PURB: variants seen among roughly 807,000 people sequenced by gnomAD.
The protein encoded by PURB is transcriptional regulator protein Pur-beta.
In PURB, 11 loss-of-function variants were observed where a neutral mutation model predicts 21.1. That is an observed-to-expected ratio of 0.52 (90% CI 0.33 to 0.86). PURB has a LOEUF of 0.86. PURB is among the 40% of genes least tolerant of loss of function. The pLI is 0.02. For missense variants in PURB, 357 were observed against 456.5 expected (o/e 0.78, Z 1.99); for synonymous variants, 246 against 210.8 (o/e 1.17, Z -1.45).
rs958762501 is a variant in PURB, at chr7:44,883,023, T to A, written c.*1387A>T. 2 of 152,526 alleles carry A rather than the reference T, an allele frequency of 1.3e-5. No individual in the cohort carries two copies. The highest frequency in any genetic ancestry group is 2.9e-5 in the Non-Finnish European group (2 of 68,046). The allele number at this position is 152,526 out of a possible 1,614,324, so 9.4% of individuals were successfully genotyped here. On this transcript the variant is annotated 3_prime_UTR_variant, in exon 1 of 1. Coordinates refer to ENST00000395699, the MANE Select transcript of PURB (RefSeq NM_033224.5). ...TTGAAATTTCAAGATGGTATAAAAA[T>A]GCTTCCAGGATATAGTCAGCATATT...
Position 44,885,292 on chromosome 7 carries a change from G to C in PURB, c.57C>G (p.Phe19Leu), listed in dbSNP as rs1335735429. 6.6e-7 allele frequency: 1 copy of C among 1,517,274 alleles called. No homozygotes were observed. The highest frequency in any genetic ancestry group is 8.7e-7 in the Non-Finnish European group (1 of 1,143,876). The allele number at this position is 1,517,274 out of a possible 1,614,324, so 94.0% of individuals were successfully genotyped here. ...ERGGGGGPCG[F>L]QPASRGGGEQ... ...CGCCGCCGCCGCGGGACGCGGGCTG[G>C]AACCCGCACGGCCCACCGCCGCCGC... The change falls in exon 1 of 1, where the codon TTC becomes TTG. Residue 19 changes from phenylalanine (F) to leucine (L), a missense_variant. Coordinates refer to ENST00000395699, the MANE Select transcript of PURB (RefSeq NM_033224.5).
chr7:44,879,615 C>T lies in PURB; in HGVS notation c.*4795G>A, dbSNP rs898945077. 3 of 152,610 alleles carry T rather than the reference C, an allele frequency of 2.0e-5. No homozygotes were observed. The highest frequency in any genetic ancestry group is 7.2e-5 in the African/African-American group (3 of 41,518). The allele number at this position is 152,610 out of a possible 1,614,324, so 9.5% of individuals were successfully genotyped here. On this transcript the variant is annotated 3_prime_UTR_variant, in exon 1 of 1. Transcript: ENST00000395699. ...GTAGTTGACAGGAAAGAAAAAGTTA[C>T]CTTAAGGCTCAAGGGAAAGTAACTT...
rs1359431411 is a variant in PURB, at chr7:44,877,812, A to C, written c.*6598T>G. The C allele has an allele frequency of 6.6e-6, 1 of 152,160 alleles. No homozygotes were observed. The highest frequency in any genetic ancestry group is 1.5e-5 in the Non-Finnish European group (1 of 68,078). 9.4% of individuals were successfully genotyped at this position (152,160 alleles called of 1,614,324 possible). On this transcript the variant is annotated 3_prime_UTR_variant, in exon 1 of 1. Transcript: ENST00000395699. ...GATAAGAGCGAAACTCCGTCTCAAAAAAAAAAAAAGAATCCAGAGAGCTTT... is the reference window on the plus strand; with the variant it reads ...GATAAGAGCGAAACTCCGTCTCAAACAAAAAAAAAGAATCCAGAGAGCTTT...
Position 44,884,273 on chromosome 7 carries a change from T to C in PURB, c.*137A>G, listed in dbSNP as rs530849021. ...TTCTCTTACGATTATTTCTCTTAAC[T>C]GTGTTACGTTTTGTTTTTTCCCTCT... On this transcript the variant is annotated 3_prime_UTR_variant, in exon 1 of 1. Coordinates refer to ENST00000395699, the MANE Select transcript of PURB (RefSeq NM_033224.5). The C allele has an allele frequency of 5.5e-6, 8 of 1,458,236 alleles. No homozygotes were observed. The East Asian group carries it at 1.9e-4, about 35-fold the overall frequency. The allele number at this position is 1,458,236 out of a possible 1,614,324, so 90.3% of individuals were successfully genotyped here.
Position 44,885,122 on chromosome 7 carries a change from G to A in PURB, c.227C>T (p.Ser76Phe). 1 of 1,576,226 alleles carries A rather than the reference G, an allele frequency of 6.3e-7. No homozygotes were observed. Reference sequence around the variant, plus strand: ...GCGGAACTCGGCGGCCACCGCCATGGACAGCGTGAGGCGGCTCTTGGAACC... The same window carrying A: ...GCGGAACTCGGCGGCCACCGCCATGAACAGCGTGAGGCGGCTCTTGGAACC... ...AGGSKSRLTLSMAVAAEFRDS... is the reference protein window; with the variant it reads ...AGGSKSRLTLFMAVAAEFRDS... Residue 76 changes from serine to phenylalanine, a missense_variant, in exon 1 of 1, where the codon TCC (serine) becomes TTC (phenylalanine). By Grantham distance (155) the Ser-to-Phe change is radical. Coordinates refer to ENST00000395699, the MANE Select transcript of PURB (RefSeq NM_033224.5).
chr7:44,885,103 C>A lies in PURB; in HGVS notation c.246G>T (p.Glu82Asp). 1.3e-6 allele frequency: 2 copies of A among 1,575,232 alleles called. No individual in the cohort carries two copies. Among genetic ancestry groups the A allele is most frequent in the Non-Finnish European group, 1.7e-6 (2 of 1,165,730 alleles). The change falls in exon 1 of 1, where the codon GAG becomes GAT. Residue 82 changes from glutamate (E) to aspartate (D), a missense_variant. Physicochemically the swap from Glu to Asp is conservative, Grantham distance 45. Transcript: ENST00000395699. ...RLTLSMAVAA[E>D]FRDSLGDFIE... ...TGAAGTCGCCCAGCGAGTCGCGGAACTCGGCGGCCACCGCCATGGACAGCG... is the reference window on the plus strand; with the variant it reads ...TGAAGTCGCCCAGCGAGTCGCGGAAATCGGCGGCCACCGCCATGGACAGCG...
rs1230917696 is a variant in PURB, at chr7:44,876,629, AG to A, written c.*7780del. ...TGGACTCTGCTTTTGAACGGTTTTC[AG>A]GAAGTGTGATTTCTGAATGGGTACT... On this transcript the variant is annotated 3_prime_UTR_variant, in exon 1 of 1. Coordinates refer to ENST00000395699, the MANE Select transcript of PURB (RefSeq NM_033224.5). 2.6e-5 allele frequency: 4 copies of A among 152,650 alleles called. No individual in the cohort carries two copies. The highest frequency in any genetic ancestry group is 4.1e-4 in the South Asian group (2 of 4,834). The allele number at this position is 152,650 out of a possible 1,614,324, so 9.5% of individuals were successfully genotyped here.
rs1330199224 is a variant in PURB at position 44,884,950 on chromosome 7, C to T, written c.399G>A (p.Leu133=). The part of the protein sequence containing the change: ...FLVRENRKYY[L]DLKENQRGRF... ...GGCCGCGCTGGTTCTCCTTGAGGTCCAGGTAGTACTTGCGGTTCTCACGCA... is the reference window on the plus strand; with the variant it reads ...GGCCGCGCTGGTTCTCCTTGAGGTCTAGGTAGTACTTGCGGTTCTCACGCA... Residue 133 remains leucine (L), a synonymous_variant, in exon 1 of 1, where the codon CTG becomes CTA. Transcript: ENST00000395699. The T allele has an allele frequency of 1.3e-6, 2 of 1,583,270 alleles. No individual in the cohort carries two copies. The highest frequency in any genetic ancestry group is 1.7e-6 in the Non-Finnish European group (2 of 1,167,262).
rs1793896364 is a variant in PURB, at chr7:44,882,774, C to T, written c.*1636G>A. 1 of 152,118 alleles carries T rather than the reference C, an allele frequency of 6.6e-6. No homozygotes were observed. Among genetic ancestry groups the T allele is most frequent in the Admixed American group, 6.6e-5 (1 of 15,262 alleles). The allele number at this position is 152,118 out of a possible 1,614,324, so 9.4% of individuals were successfully genotyped here. On this transcript the variant is annotated 3_prime_UTR_variant, in exon 1 of 1. Coordinates refer to ENST00000395699, the MANE Select transcript of PURB (RefSeq NM_033224.5). ...GCCTCCTGGTTGAGAAGGTGTCACA[C>T]AAAGAATACCTGAAAACTTTGGAAA...
chr7:44,885,105 C>G lies in PURB; in HGVS notation c.244G>C (p.Glu82Gln). 6.4e-7 allele frequency: 1 copy of G among 1,574,086 alleles called. No homozygotes were observed. Among genetic ancestry groups the G allele is most frequent in the Non-Finnish European group, 8.6e-7 (1 of 1,165,252 alleles). ...RLTLSMAVAA[E>Q]FRDSLGDFIE... is the part of the protein sequence containing the mutation. Reference sequence around the variant, plus strand: ...AAGTCGCCCAGCGAGTCGCGGAACTCGGCGGCCACCGCCATGGACAGCGTG... The same window carrying G: ...AAGTCGCCCAGCGAGTCGCGGAACTGGGCGGCCACCGCCATGGACAGCGTG... The change falls in exon 1 of 1, where the codon GAG (glutamate) becomes CAG (glutamine). Residue 82 changes from glutamate (E) to glutamine (Q), a missense_variant. Glu to Gln is a conservative substitution (Grantham distance 29). Transcript: ENST00000395699.
Position 44,885,105 on chromosome 7 carries a change from C to T in PURB, c.244G>A (p.Glu82Lys). The change falls in exon 1 of 1, where the codon GAG (glutamate) becomes AAG (lysine). Residue 82 changes from glutamate to lysine, a missense_variant. Physicochemically the swap from Glu to Lys is moderately conservative, Grantham distance 56 (BLOSUM62 1). Coordinates refer to ENST00000395699, the MANE Select transcript of PURB (RefSeq NM_033224.5). ...AAGTCGCCCAGCGAGTCGCGGAACTCGGCGGCCACCGCCATGGACAGCGTG... is the reference window on the plus strand; with the variant it reads ...AAGTCGCCCAGCGAGTCGCGGAACTTGGCGGCCACCGCCATGGACAGCGTG... ...RLTLSMAVAA[E>K]FRDSLGDFIE... 1 of 1,574,084 alleles carries T rather than the reference C, an allele frequency of 6.4e-7. No individual in the cohort carries two copies. The highest frequency in any genetic ancestry group is 2.4e-5 in the East Asian group (1 of 41,552).
rs1475151688 is a variant in PURB, at chr7:44,881,683, G to A, written c.*2727C>T. On this transcript the variant is annotated 3_prime_UTR_variant, in exon 1 of 1. Transcript: ENST00000395699. ...AATTGATATCTAAAGATTTACATAT[G>A]ATATATTACTGTTACATGGTCTAAT... is the stretch of plus-strand genomic sequence containing the variant. 1 of 153,298 alleles carries A rather than the reference G, an allele frequency of 6.5e-6. No individual in the cohort carries two copies. Among genetic ancestry groups the A allele is most frequent in the Non-Finnish European group, 1.5e-5 (1 of 68,182 alleles). 9.5% of individuals were successfully genotyped at this position (153,298 alleles called of 1,614,324 possible). A position where few individuals can be genotyped will look rare whatever the true frequency, so the allele number is the denominator to read the frequency against.
chr7:44,885,421 C>T lies in PURB; in HGVS notation c.-73G>A. ...CGCCCTCCGGCTCGCGCTCCGGGGC[C>T]CCCCAGCCTCGCCCGCCCGGCTCGC... On this transcript the variant is annotated 5_prime_UTR_variant, in exon 1 of 1. Transcript: ENST00000395699. 1 of 501,890 alleles carries T rather than the reference C, an allele frequency of 2.0e-6. No homozygotes were observed. The highest frequency in any genetic ancestry group is 2.6e-6 in the Non-Finnish European group (1 of 387,632). The allele number at this position is 501,890 out of a possible 1,614,324, so 31.1% of individuals were successfully genotyped here.
chr7:44,880,109 C>G lies in PURB; in HGVS notation c.*4301G>C, dbSNP rs1289542676. 6.6e-6 allele frequency: 1 copy of G among 152,154 alleles called. No individual in the cohort carries two copies. The highest frequency in any genetic ancestry group is 1.5e-5 in the Non-Finnish European group (1 of 68,026). The allele number at this position is 152,154 out of a possible 1,614,324, so 9.4% of individuals were successfully genotyped here. A position where few individuals can be genotyped will look rare whatever the true frequency, so the allele number is the denominator to read the frequency against. ...CAAAACAGTCAACTTTGTTATTCATCAGAGCAATTCTGATACTTCCTAAAA... is the reference window on the plus strand; with the variant it reads ...CAAAACAGTCAACTTTGTTATTCATGAGAGCAATTCTGATACTTCCTAAAA... On this transcript the variant is annotated 3_prime_UTR_variant, in exon 1 of 1. Transcript: ENST00000395699.
chr7:44,883,206 G>A lies in PURB; in HGVS notation c.*1204C>T, dbSNP rs1209199114. The A allele has an allele frequency of 6.6e-6, 1 of 152,542 alleles. No individual in the cohort carries two copies. Among genetic ancestry groups the A allele is most frequent in the African/African-American group, 2.4e-5 (1 of 41,416 alleles). The allele number at this position is 152,542 out of a possible 1,614,324, so 9.4% of individuals were successfully genotyped here. On this transcript the variant is annotated 3_prime_UTR_variant, in exon 1 of 1. Coordinates refer to ENST00000395699, the MANE Select transcript of PURB (RefSeq NM_033224.5). ...AAAGAATAAATGATGCTGGAATTCT[G>A]GACCTGAGGATCTTTAGTATTTGAA...
In PURB at chr7:44,883,975, G is replaced by C. The variant is rs1031755834; in HGVS notation, c.*435C>G. Reference sequence around the variant, plus strand: ...AGGTGAAGGGATAGACACCGCAACAGTGAGGCCTAGAGAGATCTTTTATGC... The same window carrying C: ...AGGTGAAGGGATAGACACCGCAACACTGAGGCCTAGAGAGATCTTTTATGC... On this transcript the variant is annotated 3_prime_UTR_variant, in exon 1 of 1. Transcript: ENST00000395699. 1 of 170,624 alleles carries C rather than the reference G, an allele frequency of 5.9e-6. No individual in the cohort carries two copies. Among genetic ancestry groups the C allele is most frequent in the African/African-American group, 2.4e-5 (1 of 41,886 alleles). The allele number at this position is 170,624 out of a possible 1,614,324, so 10.6% of individuals were successfully genotyped here.
Position 44,878,405 on chromosome 7 carries a change from ACT to A in PURB, c.*6003_*6004del, listed in dbSNP as rs1403163112. On this transcript the variant is annotated 3_prime_UTR_variant, in exon 1 of 1. Transcript: ENST00000395699. ...CTGTTGACACTTAAAGTATAATTAT[ACT>A]TTTTTATTAAACTGTTAGAATCATC... 9.9e-5 allele frequency: 15 copies of A among 152,256 alleles called. No homozygotes were observed. The highest frequency in any genetic ancestry group is 3.6e-4 in the African/African-American group (15 of 41,478). The allele number at this position is 152,256 out of a possible 1,614,324, so 9.4% of individuals were successfully genotyped here.
rs895538642 is a variant in PURB at position 44,882,335 on chromosome 7, A to C, written c.*2075T>G. ...ATCAAAAATACTATTGCTCCCATACAATTTAGGAAACATTCTTTGCAACGG... is the reference window on the plus strand; with the variant it reads ...ATCAAAAATACTATTGCTCCCATACCATTTAGGAAACATTCTTTGCAACGG... On this transcript the variant is annotated 3_prime_UTR_variant, in exon 1 of 1. Coordinates refer to ENST00000395699, the MANE Select transcript of PURB (RefSeq NM_033224.5). The C allele has an allele frequency of 2.0e-5, 3 of 152,640 alleles. No individual in the cohort carries two copies. The highest frequency in any genetic ancestry group is 2.9e-5 in the Non-Finnish European group (2 of 68,038). 9.5% of individuals were successfully genotyped at this position (152,640 alleles called of 1,614,324 possible).
chr7:44,881,738 C>G lies in PURB; in HGVS notation c.*2672G>C, dbSNP rs1335061270. The G allele has an allele frequency of 6.5e-6, 1 of 154,484 alleles. No homozygotes were observed. Among genetic ancestry groups the G allele is most frequent in the African/African-American group, 2.4e-5 (1 of 41,490 alleles). The allele number at this position is 154,484 out of a possible 1,614,324, so 9.6% of individuals were successfully genotyped here. A position where few individuals can be genotyped will look rare whatever the true frequency, so the allele number is the denominator to read the frequency against. On this transcript the variant is annotated 3_prime_UTR_variant, in exon 1 of 1. Transcript: ENST00000395699. ...AAGAAAATTTCTCTGGTAACCAAAG[C>G]TGATGCCATATATGGTAGTGTTCTT...
Sources: gnomAD v4.1 joint callset for allele counts on GRCh38, gnomAD v4.1.1 for gene constraint, MANE v1.5 for transcripts, NCBI Gene and HGNC (gene_info 2026-07-23, HGNC 2026-07-21) for gene names.